NSMCE3: variants seen among roughly 807,000 people sequenced by gnomAD.
NSMCE3 encodes the protein non-structural maintenance of chromosomes element 3 homolog.
For synonymous variants in NSMCE3, 214 were observed against 172.2 expected (o/e 1.24, Z -1.90); for missense variants, 452 against 399.5 (o/e 1.13, Z -1.12).
In NSMCE3 at chr15:29,269,472, C is replaced by T; in HGVS notation, c.234G>A (p.Gly78=). ...ARRAQAAPAV[G]PRSQKQLELK... Reference sequence around the variant, plus strand: ...GCTCCAGCTGCTTCTGGCTCCTGGGCCCCACGGCGGGGGCGGCCTGGGCCC... The same window carrying T: ...GCTCCAGCTGCTTCTGGCTCCTGGGTCCCACGGCGGGGGCGGCCTGGGCCC... The change falls in exon 1 of 1, where the codon GGG becomes GGA. Residue 78 remains glycine (G), a synonymous_variant. Transcript: ENST00000332303. The T allele has an allele frequency of 1.2e-6, 2 of 1,612,366 alleles. No individual in the cohort carries two copies. The highest frequency in any genetic ancestry group is 1.7e-6 in the Non-Finnish European group (2 of 1,179,502).
Position 29,268,882 on chromosome 15 carries a change from G to A in NSMCE3, c.824C>T (p.Pro275Leu), listed in dbSNP as rs754296553. 1 of 1,614,070 alleles carries A rather than the reference G, an allele frequency of 6.2e-7. No homozygotes were observed. Among genetic ancestry groups the A allele is most frequent in the Admixed American group, 1.7e-5 (1 of 60,010 alleles). The change falls in exon 1 of 1, where the codon CCC (proline) becomes CTC (leucine). Residue 275 changes from proline to leucine, a missense_variant. By Grantham distance (98) the Pro-to-Leu change is moderately conservative (BLOSUM62 -3). Transcript: ENST00000332303. The part of the protein sequence containing the change: ...KFVAKVHNQD[P>L]KDWPAQYCEA... ...ACAGTACTGCGCTGGCCAGTCCTTGGGGTCTTGATTATGGACCTTGGCCAC... is the reference window on the plus strand; with the variant it reads ...ACAGTACTGCGCTGGCCAGTCCTTGAGGTCTTGATTATGGACCTTGGCCAC...
rs1412277988 is a variant in NSMCE3, at chr15:29,267,668, G to A, written c.*1123C>T. The A allele has an allele frequency of 6.6e-6, 1 of 152,116 alleles. No individual in the cohort carries two copies. The highest frequency in any genetic ancestry group is 6.5e-5 in the Admixed American group (1 of 15,276). The allele number at this position is 152,116 out of a possible 1,614,324, so 9.4% of individuals were successfully genotyped here. On this transcript the variant is annotated 3_prime_UTR_variant, in exon 1 of 1. Coordinates refer to ENST00000332303, the MANE Select transcript of NSMCE3 (RefSeq NM_138704.4). ...CCCATACAATAGAGTGAGACTAGAGGACTATCTTTTGAACCAGGAATTGCT... is the reference window on the plus strand; with the variant it reads ...CCCATACAATAGAGTGAGACTAGAGAACTATCTTTTGAACCAGGAATTGCT...
rs1294179115 is a variant in NSMCE3, at chr15:29,268,891, T to C, written c.815A>G (p.Asn272Ser). The change falls in exon 1 of 1, where the codon AAT becomes AGT. Residue 272 changes from asparagine to serine, a missense_variant. Asn to Ser is a conservative substitution (Grantham distance 46). Coordinates refer to ENST00000332303, the MANE Select transcript of NSMCE3 (RefSeq NM_138704.4). ...KVLKFVAKVH[N>S]QDPKDWPAQY... ...CGCTGGCCAGTCCTTGGGGTCTTGA[T>C]TATGGACCTTGGCCACAAACTTAAG... is the stretch of plus-strand genomic sequence containing the variant. 1.2e-6 allele frequency: 2 copies of C among 1,614,042 alleles called. No homozygotes were observed. The highest frequency in any genetic ancestry group is 2.2e-5 in the South Asian group (2 of 91,076).
chr15:29,265,765 G>A lies in NSMCE3; in HGVS notation c.*3026C>T, dbSNP rs1005165557. 4 of 152,210 alleles carry A rather than the reference G, an allele frequency of 2.6e-5. No homozygotes were observed. Among genetic ancestry groups the A allele is most frequent in the Non-Finnish European group, 4.4e-5 (3 of 68,030 alleles). The allele number at this position is 152,210 out of a possible 1,614,324, so 9.4% of individuals were successfully genotyped here. A position where few individuals can be genotyped will look rare whatever the true frequency, so the allele number is the denominator to read the frequency against. On this transcript the variant is annotated 3_prime_UTR_variant, in exon 1 of 1. Transcript: ENST00000332303. Reference sequence around the variant, plus strand: ...AAAATACTGAGTGTCATAAATCAGTGTGGAAAGTATAAATGATGAAAAACT... The same window carrying A: ...AAAATACTGAGTGTCATAAATCAGTATGGAAAGTATAAATGATGAAAAACT...
Position 29,269,046 on chromosome 15 carries a change from C to T in NSMCE3, c.660G>A (p.Lys220=). 6.2e-7 allele frequency: 1 copy of T among 1,614,164 alleles called. No homozygotes were observed. Among genetic ancestry groups the T allele is most frequent in the Non-Finnish European group, 8.5e-7 (1 of 1,180,032 alleles). The change falls in exon 1 of 1, where the codon AAG becomes AAA. Residue 220 remains lysine (K), a synonymous_variant. Coordinates refer to ENST00000332303, the MANE Select transcript of NSMCE3 (RefSeq NM_138704.4). Reference sequence around the variant, plus strand: ...GCACAAAGTCCTCAGTAATGAGTTTCTTTGGATCTCCGAAAATTAAATGCT... The same window carrying T: ...GCACAAAGTCCTCAGTAATGAGTTTTTTTGGATCTCCGAAAATTAAATGCT... ...TKKHLIFGDP[K]KLITEDFVRQ...
rs375296124 is a variant in NSMCE3, at chr15:29,269,250, G to A, written c.456C>T (p.Tyr152=). 73 of 1,614,068 alleles carry A rather than the reference G, an allele frequency of 4.5e-5. No individual in the cohort carries two copies. Among genetic ancestry groups the A allele is most frequent in the African/African-American group, 6.7e-5 (5 of 74,918 alleles). ...LVELEPKSNT[Y]ILINTLEPVE... ...CAGGCTCCAGGGTGTTGATGAGGAT[G>A]TAAGTGTTGCTCTTGGGTTCAAGTT... The change falls in exon 1 of 1, where the codon TAC becomes TAT. Residue 152 remains tyrosine (Y), a synonymous_variant. Transcript: ENST00000332303.
Sources: allele counts gnomAD v4.1 joint callset, GRCh38; gene constraint gnomAD v4.1.1; transcripts MANE v1.5; gene names NCBI Gene and HGNC (gene_info 2026-07-23, HGNC 2026-07-21).